Variants in CYFIP2 observed in about 807,000 individuals in gnomAD.
CYFIP2 encodes the protein cytoplasmic FMR1-interacting protein 2.
CYFIP2 carries 29 observed loss-of-function variants against 158.7 expected under a neutral mutation model. The observed-to-expected ratio is 0.18, with a 90% CI of 0.14 to 0.25. The LOEUF is 0.25. Ranked by LOEUF, CYFIP2 falls within the 10% of genes least tolerant of loss-of-function variation. The pLI is 1.00. For synonymous variants in CYFIP2, 585 were observed against 617.6 expected, an observed-to-expected ratio of 0.95 and a Z score of 0.78; for missense variants, 852 against 1,639.5, an observed-to-expected ratio of 0.52 and a Z score of 8.29.
chr5:157,299,201 T>C (rs992459200), intron 5 of CYFIP2, among the ~76,000 whole-genome samples: 2 of 152,344 alleles, frequency 1.3e-5, no homozygotes, highest in Admixed American at 6.5e-5. Context: ...TAAAATATAA[T>C]TCAGGCCATG....
chr5:157,349,596 TTTCGAATGATTTC>T (rs1762937497), intron 23 of CYFIP2, among the ~76,000 whole-genome samples: 1 of 152,228 alleles, frequency 6.6e-6, no homozygotes, highest in Non-Finnish European at 1.5e-5. Context: ...GCAATATCCT[TTTCGAATGATTTC>T]CTTTCCTCTG....
chr5:157,367,264 A>T (rs1445228804), intron 26 of CYFIP2, among the ~76,000 whole-genome samples: 1 of 152,204 alleles, frequency 6.6e-6, no homozygotes, highest in Non-Finnish European at 1.5e-5. Context: ...CCTGGACTTT[A>T]TAGGATGTTG....
intron 26 of CYFIP2, among the ~76,000 whole-genome samples, chr5:157,371,476 G>T (rs1049037408): frequency 3.9e-5 from 6 of 152,174 alleles, no homozygotes; most frequent in African/African-American, 1.4e-4. Flanking sequence ...TTTTCACTCA[G>T]CTGTGAACAG....
intron 8 of CYFIP2, among the ~76,000 whole-genome samples, chr5:157,305,350 C>A (rs910324643): frequency 6.6e-6 from 1 of 152,176 alleles, no homozygotes; most frequent in Non-Finnish European, 1.5e-5. Flanking sequence ...AATAAATCTT[C>A]AAGCTTTTGC....
intron 28 of CYFIP2, chr5:157,383,560 C>T: frequency 1.9e-6 from 1 of 527,648 alleles, no homozygotes; most frequent in South Asian, 2.5e-5. Flanking sequence ...AGTGTTTCTT[C>T]TGTAGCCTGT....
In CYFIP2 at chr5:157,296,851, T is replaced by G. The variant is rs539365144; in HGVS notation, c.387+77T>G. On this transcript the variant is annotated intron_variant, in intron 5 of 30. Coordinates refer to ENST00000620254, the MANE Select transcript of CYFIP2 (RefSeq NM_001037333.3). Reference sequence around the variant, plus strand: ...TTTCTAACCACTGGGGTCTGCAGTTTTGTGCCATGTTATTTATTCACTAAG... The same window carrying G: ...TTTCTAACCACTGGGGTCTGCAGTTGTGTGCCATGTTATTTATTCACTAAG... The G allele has an allele frequency of 2.7e-5, 31 of 1,158,890 alleles. No individual in the cohort carries two copies. The African/African-American group carries it at 4.8e-4, about 18-fold the overall frequency. 71.8% of individuals were successfully genotyped at this position (1,158,890 alleles called of 1,614,324 possible).
intron 23 of CYFIP2, chr5:157,342,322 A>G (rs911073924): frequency 2.0e-5 from 3 of 152,736 alleles, no homozygotes; most frequent in African/African-American, 7.2e-5. Context: ...AGTGAAGATA[A>G]TCCATGGTTT....
chr5:157,293,585 A>G (rs1758008082), intron 3 of CYFIP2, among the ~76,000 whole-genome samples: 1 of 152,250 alleles, frequency 6.6e-6, no homozygotes, highest in African/African-American at 2.4e-5. Context: ...ACTTTTTAAA[A>G]AGTGATGCAA....
In CYFIP2 at chr5:157,278,483, G is replaced by A. The variant is rs186658656; in HGVS notation, c.-23-6856G>A. Among the ~76,000 whole-genome samples the A allele has an allele frequency of 8.6e-4, 131 of 152,306 alleles. 2 individuals carry two copies. Among genetic ancestry groups the A allele is most frequent in the African/African-American group, 3.0e-3 (126 of 41,564 alleles). On this transcript the variant is annotated intron_variant, in intron 1 of 30. Coordinates refer to ENST00000620254, the MANE Select transcript of CYFIP2 (RefSeq NM_001037333.3). ...AAAAGGCATAGAATTGGGAGTCAAGGTATCCTGTTTCTACCCTACCTCTGC... is the reference window on the plus strand; with the variant it reads ...AAAAGGCATAGAATTGGGAGTCAAGATATCCTGTTTCTACCCTACCTCTGC...
intron 17 of CYFIP2, 69 bp downstream of exon 17, chr5:157,325,707 C>G: frequency 6.8e-7 from 1 of 1,469,418 alleles, no homozygotes; most frequent in South Asian, 1.5e-5. Context: ...CCAGGGAGAT[C>G]CGTTCTTTCC....
At chr5:157,273,248 C>G (rs1240934819) in intron 1 of CYFIP2, among the ~76,000 whole-genome samples, 1 of 152,188 alleles carries the variant, frequency 6.6e-6, no homozygotes, top group African/African-American at 2.4e-5. Flanking sequence ...AGTGTTAACC[C>G]TAGCTCCACC....
At chr5:157,342,931 G>GGCAT (rs773424810) in intron 23 of CYFIP2, 10 of 1,614,090 alleles carry the variant, frequency 6.2e-6, no homozygotes, top group Non-Finnish European at 7.6e-6. Context: ...CCGCATCAGG[G>GGCAT]GCATCCTGGT....
intron 22 of CYFIP2, among the ~76,000 whole-genome samples, chr5:157,339,924 A>G (rs1762124257): frequency 6.6e-6 from 1 of 152,236 alleles, no homozygotes; most frequent in Non-Finnish European, 1.5e-5. Context: ...GCAGTACTCT[A>G]CAGGCCAGGG....
intron 23 of CYFIP2, among the ~76,000 whole-genome samples, chr5:157,343,808 C>T (rs1762479839): frequency 6.6e-6 from 1 of 152,256 alleles, no homozygotes; most frequent in Non-Finnish European, 1.5e-5. Context: ...CCCACCCTAG[C>T]TGAGATCCTT....
At chr5:157,286,754 G>A (rs1202610263) in intron 2 of CYFIP2, among the ~76,000 whole-genome samples, 1 of 152,124 alleles carries the variant, frequency 6.6e-6, no homozygotes, top group Non-Finnish European at 1.5e-5. Context: ...TGGGCTTGTG[G>A]AGTTTAAGCA....
intron 8 of CYFIP2, among the ~76,000 whole-genome samples, chr5:157,305,377 G>A (rs190372567): frequency 1.6e-4 from 25 of 152,300 alleles, no homozygotes; most frequent in Admixed American, 1.1e-3. Flanking sequence ...TTGCCAAAGT[G>A]ATCACAATTG....
intron 25 of CYFIP2, among the ~76,000 whole-genome samples, chr5:157,360,871 G>A (rs59380864): frequency 0.025 from 3,845 of 152,220 alleles, 158 homozygotes; most frequent in African/African-American, 0.089. Context: ...GGAAAAATGG[G>A]GACTGTGAAT....
chr5:157,342,203 G>T (rs2113249611), intron 23 of CYFIP2: 1 of 152,654 alleles, frequency 6.6e-6, no homozygotes, highest in Admixed American at 6.5e-5. Flanking sequence ...CCTTCTGTTT[G>T]CAGCAGGAGG....
intron 30 of CYFIP2, 131 bp downstream of exon 30, chr5:157,390,799 G>A (rs1767205896): frequency 4.2e-6 from 6 of 1,425,642 alleles, no homozygotes; most frequent in Non-Finnish European, 5.7e-6. Context: ...AGATACTATA[G>A]GCTGGGGACC....
Sources: allele counts gnomAD v4.1 joint callset (sites outside exome capture counted in the v4.1 genomes callset), GRCh38; gene constraint gnomAD v4.1.1; transcripts MANE v1.5; gene names NCBI Gene and HGNC (gene_info 2026-07-23, HGNC 2026-07-21).